The following PRMT7 variants were observed in gnomAD, a reference collection of about 807,000 sequenced individuals.
PRMT7 encodes protein arginine N-methyltransferase 7.
A neutral mutation model predicts 85.4 loss-of-function variants in PRMT7; 75 were observed. That is an observed-to-expected ratio of 0.88 (90% confidence interval 0.73 to 1.06). PRMT7 has a LOEUF of 1.06. PRMT7 is among the 50% of genes least tolerant of loss of function. The pLI is 0.00. For synonymous variants in PRMT7, 397 were observed against 359.5 expected (o/e 1.10, Z -1.18); for missense variants, 868 against 915.2 (o/e 0.95, Z 0.67).
rs1487680098 is a variant in PRMT7, at chr16:68,324,748, C to G, written c.198C>G (p.Ala66=). Residue 66 remains alanine, a synonymous_variant, in exon 5 of 19, where the codon GCC becomes GCG. Transcript: ENST00000441236. The part of the protein sequence containing the change: ...VSRVKDRGQK[A]LVLDIGTGTG... ...GGGTGAAGGACAGAGGACAGAAGGCCTTGGTTCTCGACATTGGCACTGGCA... is the reference window on the plus strand; with the variant it reads ...GGGTGAAGGACAGAGGACAGAAGGCGTTGGTTCTCGACATTGGCACTGGCA... 4.3e-6 allele frequency: 7 copies of G among 1,613,814 alleles called. No individual in the cohort carries two copies. In the South Asian group the frequency reaches 7.7e-5, roughly 18 times the overall value.
chr16:68,346,294 C>A lies in PRMT7; in HGVS notation c.1191+14C>A, dbSNP rs1567718519. 1 of 1,613,148 alleles carries A rather than the reference C, an allele frequency of 6.2e-7. No homozygotes were observed. The highest frequency in any genetic ancestry group is 1.1e-5 in the South Asian group (1 of 91,070). ...GCTCTGAGGACCGTAAGTGTCCAGCCCCTTGGCTTGTTGTGGGGAAAAGGG... is the reference window on the plus strand; with the variant it reads ...GCTCTGAGGACCGTAAGTGTCCAGCACCTTGGCTTGTTGTGGGGAAAAGGG... On this transcript the variant is annotated intron_variant, in intron 11 of 18. Coordinates refer to ENST00000441236, the MANE Select transcript of PRMT7 (RefSeq NM_019023.5).
chr16:68,320,555 G>A (rs2082369128), intron 3 of PRMT7, among the ~76,000 whole-genome samples: 1 of 152,196 alleles, frequency 6.6e-6, no homozygotes, highest in African/African-American at 2.4e-5. Flanking sequence ...AGCGAAAGCC[G>A]CCCTGGGTGG....
chr16:68,346,688 C>T (rs1312102327), intron 11 of PRMT7, among the ~76,000 whole-genome samples: 2 of 152,056 alleles, frequency 1.3e-5, no homozygotes, highest in Non-Finnish European at 1.5e-5. Flanking sequence ...GCAGGGGACT[C>T]GGCTTGGGGA....
chr16:68,339,846 C>A lies in PRMT7; in HGVS notation c.805C>A (p.Pro269Thr). The A allele has an allele frequency of 6.2e-7, 1 of 1,614,198 alleles. No individual in the cohort carries two copies. Among genetic ancestry groups the A allele is most frequent in the Non-Finnish European group, 8.5e-7 (1 of 1,180,014 alleles). The change falls in exon 9 of 19, where the codon CCT (proline) becomes ACT (threonine). Residue 269 changes from proline (P) to threonine (T), a missense_variant. Physicochemically the swap from Pro to Thr is conservative, Grantham distance 38. Coordinates refer to ENST00000441236, the MANE Select transcript of PRMT7 (RefSeq NM_019023.5). ...AGCCTGCCATAGCAGGCGGTTTGAACCTCTGACATCTGGCCGAGCTCAGGT... is the reference window on the plus strand; with the variant it reads ...AGCCTGCCATAGCAGGCGGTTTGAAACTCTGACATCTGGCCGAGCTCAGGT... ...SAACHSRRFE[P>T]LTSGRAQVVL...
Position 68,321,434 on chromosome 16 carries a change from A to T in PRMT7, c.104A>T (p.Tyr35Phe), listed in dbSNP as rs2082483230. 6.8e-6 allele frequency: 11 copies of T among 1,610,322 alleles called. No homozygotes were observed. Among genetic ancestry groups the T allele is most frequent in the Non-Finnish European group, 9.3e-6 (11 of 1,177,008 alleles). ...DYHQEIARSS[Y>F]ADMLHDKDRN... ...ACTTTTTTGTTTTTTAGGTCATCTTATGCAGATATGCTACATGACAAAGAC... is the reference window on the plus strand; with the variant it reads ...ACTTTTTTGTTTTTTAGGTCATCTTTTGCAGATATGCTACATGACAAAGAC... The change falls in exon 4 of 19, where the codon TAT becomes TTT. Residue 35 changes from tyrosine (Y) to phenylalanine (F), a missense_variant. Transcript: ENST00000441236.
chr16:68,332,293 A>T (rs2084013971), intron 6 of PRMT7, among the ~76,000 whole-genome samples: 1 of 152,042 alleles, frequency 6.6e-6, no homozygotes, highest in Non-Finnish European at 1.5e-5. Flanking sequence ...GCCTCTTCCC[A>T]GTGGATGTCA....
chr16:68,342,271 C>G (rs924261328), intron 9 of PRMT7, among the ~76,000 whole-genome samples: 3 of 152,144 alleles, frequency 2.0e-5, no homozygotes, highest in African/African-American at 7.2e-5. Flanking sequence ...GAGCGAGACT[C>G]TGTCTCAAAA....
At chr16:68,353,781 C>G (rs943370764) in intron 16 of PRMT7, among the ~76,000 whole-genome samples, 1 of 152,190 alleles carries the variant, frequency 6.6e-6, no homozygotes, top group Non-Finnish European at 1.5e-5. Context: ...TGGGCCTGCA[C>G]GTCCTGTCAT....
chr16:68,340,088 T>C (rs2085284166), intron 9 of PRMT7, 120 bp downstream of exon 9: 1 of 1,159,538 alleles, frequency 8.6e-7, no homozygotes, highest in Non-Finnish European at 1.2e-6. Flanking sequence ...TGTGTCAGAA[T>C]CAAAGACAAA....
downstream of PRMT7, chr16:68,359,955 G>A (rs369601278): frequency 5.2e-5 from 8 of 152,642 alleles, no homozygotes; most frequent in African/African-American, 1.4e-4. Context: ...ACCACACCCT[G>A]CCCTGGGCAT....
At chr16:68,352,993 A>C (rs2087640850) in intron 15 of PRMT7, among the ~76,000 whole-genome samples, 1 of 152,182 alleles carries the variant, frequency 6.6e-6, no homozygotes, top group Non-Finnish European at 1.5e-5. Context: ...TGTTTACCTA[A>C]TCAGATTTCC....
chr16:68,337,770 G>A (rs983128603), intron 7 of PRMT7, among the ~76,000 whole-genome samples, 199 bp downstream of exon 7: 1 of 152,194 alleles, frequency 6.6e-6, no homozygotes, highest in Non-Finnish European at 1.5e-5. Flanking sequence ...TAATAGGTTA[G>A]AGTTGAAAAG....
At chr16:68,318,019 A>G (rs117735706) in intron 3 of PRMT7, among the ~76,000 whole-genome samples, 1,531 of 152,126 alleles carry the variant, frequency 0.01, 15 homozygotes, top group Non-Finnish European at 0.015. Context: ...TTTAAGTCCA[A>G]GCTTTGCCAC....
intron 3 of PRMT7, among the ~76,000 whole-genome samples, chr16:68,320,083 C>T (rs1284834294): frequency 6.6e-6 from 1 of 152,146 alleles, no homozygotes; most frequent in Non-Finnish European, 1.5e-5. Flanking sequence ...GGCTGCTCTC[C>T]CTAATACCGC....
intron 5 of PRMT7, among the ~76,000 whole-genome samples, chr16:68,326,435 A>G (rs965551892): frequency 6.6e-6 from 1 of 152,152 alleles, no homozygotes; most frequent in Non-Finnish European, 1.5e-5. Flanking sequence ...TAGTAGAGAT[A>G]GGGTTTCGCC....
chr16:68,339,659 C>T (rs2151735788), intron 8 of PRMT7, 96 bp downstream of exon 8: 1 of 1,583,714 alleles, frequency 6.3e-7, no homozygotes, highest in South Asian at 1.1e-5. Context: ...AATCTAGCTG[C>T]TGTCACCTGC....
intron 6 of PRMT7, among the ~76,000 whole-genome samples, chr16:68,329,952 G>C (rs996436129): frequency 4.0e-5 from 6 of 151,764 alleles, no homozygotes; most frequent in Non-Finnish European, 5.9e-5. Context: ...GCATTGCAGT[G>C]GTGCAATCTT....
At chr16:68,356,350 G>A (rs1035193644) in intron 17 of PRMT7, among the ~76,000 whole-genome samples, 5 of 152,218 alleles carry the variant, frequency 3.3e-5, no homozygotes, top group South Asian at 2.1e-4. Flanking sequence ...CAGGCAGGGC[G>A]GGCGCCATCA....
chr16:68,345,719 G>A lies in PRMT7; in HGVS notation c.972G>A (p.Glu324=). Residue 324 remains glutamate (E), a synonymous_variant, in exon 10 of 19, where the codon GAG becomes GAA. Transcript: ENST00000441236. Reference sequence around the variant, plus strand: ...AGTGTGTGTACTTCCTGCCACAAGAGGAGCCTGTGGTGCAGGGCTCAGCGC... The same window carrying A: ...AGTGTGTGTACTTCCTGCCACAAGAAGAGCCTGTGGTGCAGGGCTCAGCGC... The part of the protein sequence containing the change: ...WMQCVYFLPQ[E]EPVVQGSALY... 1.2e-6 allele frequency: 2 copies of A among 1,614,048 alleles called. No homozygotes were observed. Among genetic ancestry groups the A allele is most frequent in the Non-Finnish European group, 1.7e-6 (2 of 1,180,024 alleles).
Sources: gnomAD v4.1 joint callset for allele counts (sites outside exome capture counted in the v4.1 genomes callset) on GRCh38, gnomAD v4.1.1 for gene constraint, MANE v1.5 for transcripts, NCBI Gene and HGNC (gene_info 2026-07-23, HGNC 2026-07-21) for gene names.